The following SMYD1 variants were observed in gnomAD, a reference collection of about 807,000 sequenced individuals.
SMYD1 encodes SET and MYND domain containing 1.
A neutral mutation model predicts 54.0 loss-of-function variants in SMYD1; 49 were observed. That is an observed-to-expected ratio of 0.91 (90% confidence interval 0.72 to 1.15). The LOEUF (loss-of-function observed/expected upper bound fraction) is 1.15. Among genes scored for constraint, SMYD1 ranks in the 50% most tolerant of loss-of-function variants. The pLI, the probability that SMYD1 is intolerant of heterozygous loss-of-function variation, is 0.00. For synonymous variants in SMYD1, 269 were observed against 234.2 expected (o/e 1.15, Z -1.36); for missense variants, 653 against 639.6 (o/e 1.02, Z -0.23).
Position 88,091,068 on chromosome 2 carries a change from AG to A in SMYD1, c.587del (p.Gly196AlafsTer9). 1 of 1,614,020 alleles carries A rather than the reference AG, an allele frequency of 6.2e-7. No individual in the cohort carries two copies. The highest frequency in any genetic ancestry group is 8.5e-7 in the Non-Finnish European group (1 of 1,179,866). On this transcript the variant is annotated frameshift_variant, in exon 4 of 10. Coordinates refer to ENST00000419482, the MANE Select transcript of SMYD1 (RefSeq NM_198274.4). LOFTEE classifies it high-confidence loss of function. ...DQRGLQAVGV[G>X]IFPNLGLVNH... ...AGAGAGGCCTGCAGGCCGTGGGCGT[AG>A]GCATCTTCCCCAACCTGGGCCTGGT...
intron 8 of SMYD1, 56 bp downstream of exon 8, chr2:88,106,544 A>C: frequency 6.4e-7 from 1 of 1,566,124 alleles, no homozygotes; most frequent in Non-Finnish European, 8.7e-7. Context: ...TATTCCAGGG[A>C]TGGCAAATAG....
At chr2:88,071,991 T>A (rs141424670) in intron 1 of SMYD1, among the ~76,000 whole-genome samples, 1,675 of 82,064 alleles carry the variant, frequency 0.02, 93 homozygotes, top group Admixed American at 0.17. Context: ...TTCTCTGCAA[T>A]CTTAACATTT....
At chr2:88,095,216 G>T (rs1674553481) in intron 5 of SMYD1, among the ~76,000 whole-genome samples, 1 of 152,150 alleles carries the variant, frequency 6.6e-6, no homozygotes, top group East Asian at 1.9e-4. Context: ...TCTCCTACTG[G>T]CCATTCATCA....
In SMYD1 at chr2:88,093,524, G is replaced by GTA. The variant is rs1287971084; in HGVS notation, c.667_668insTA (p.Ala223ValfsTer3). 6.2e-7 allele frequency: 1 copy of GTA among 1,614,090 alleles called. No homozygotes were observed. The highest frequency in any genetic ancestry group is 2.2e-5 in the East Asian group (1 of 44,880). On this transcript the variant is annotated frameshift_variant, in exon 5 of 10. Transcript: ENST00000419482. LOFTEE classifies it high-confidence loss of function. ...GTCTGTTTTGTCTTTCAGTCATGAG[G>GTA]CAGTGAAATCCATGTTTCATACCCA...
intron 4 of SMYD1, among the ~76,000 whole-genome samples, chr2:88,091,534 T>A (rs1404297314): frequency 6.6e-6 from 1 of 151,960 alleles, no homozygotes; most frequent in Non-Finnish European, 1.5e-5. Context: ...TTTACAGAAG[T>A]GTGGACAGGG....
intron 6 of SMYD1, among the ~76,000 whole-genome samples, chr2:88,102,370 T>G (rs1443492352): frequency 6.6e-6 from 1 of 151,956 alleles, no homozygotes; most frequent in Admixed American, 6.6e-5. Context: ...TTTGTTTTGT[T>G]TTTTTTGGTA....
At position 88,108,507 on chromosome 2, in the gene SMYD1, G is replaced by A. The variant is rs769998105; in HGVS notation, c.1282G>A (p.Gly428Arg). ...CTATGCCATTCTCCTGGTGACACAC[G>A]GACCCTCCCACCCCATCACTAAGGA... ...KAYAILLVTHGPSHPITKDLE... is the reference protein window; with the variant it reads ...KAYAILLVTHRPSHPITKDLE... Residue 428 changes from glycine (G) to arginine (R), a missense_variant, in exon 9 of 10, where the codon GGA becomes AGA. By Grantham distance (125) the Gly-to-Arg change is moderately radical. Coordinates refer to ENST00000419482, the MANE Select transcript of SMYD1 (RefSeq NM_198274.4). 3.7e-6 allele frequency: 6 copies of A among 1,606,446 alleles called. No individual in the cohort carries two copies. Among genetic ancestry groups the A allele is most frequent in the South Asian group, 1.1e-5 (1 of 89,694 alleles).
intron 1 of SMYD1, among the ~76,000 whole-genome samples, chr2:88,070,942 C>CAAAAAAA (rs61024525): frequency 6.7e-5 from 4 of 60,122 alleles, no homozygotes; most frequent in Non-Finnish European, 9.3e-5. Context: ...GACTATTTCT[C>CAAAAAAA]AAAAAAAAAA....
intron 1 of SMYD1, among the ~76,000 whole-genome samples, chr2:88,072,620 A>G (rs1673974484): frequency 6.6e-6 from 1 of 152,236 alleles, no homozygotes; most frequent in African/African-American, 2.4e-5. Context: ...CTCTGAAATC[A>G]TAATGTATCC....
chr2:88,087,302 G>A (rs1305184822), intron 2 of SMYD1, among the ~76,000 whole-genome samples: 1 of 152,054 alleles, frequency 6.6e-6, no homozygotes, highest in African/African-American at 2.4e-5. Context: ...GCTCATCCCA[G>A]TAGGCCACAC....
intron 1 of SMYD1, among the ~76,000 whole-genome samples, chr2:88,078,127 T>C (rs1410321024): frequency 6.6e-6 from 1 of 152,118 alleles, no homozygotes; most frequent in African/African-American, 2.4e-5. Context: ...GAGCTGGTGC[T>C]GGGGGTGAGA....
At chr2:88,068,565 A>G (rs550281099) in intron 1 of SMYD1, among the ~76,000 whole-genome samples, 1 of 150,484 alleles carries the variant, frequency 6.6e-6, no homozygotes, top group East Asian at 1.9e-4. Context: ...GTGCTATTAC[A>G]TACATATATC....
At position 88,087,684 on chromosome 2, in the gene SMYD1, T is replaced by A. The variant is rs79276299; in HGVS notation, c.315-178T>A. On this transcript the variant is annotated intron_variant, in intron 2 of 9. Coordinates refer to ENST00000419482, the MANE Select transcript of SMYD1 (RefSeq NM_198274.4). ...TAGCACTTTCTATGTAAAATGTGCT[T>A]GTTTACTTACCTCTCCCCCACTATA... 1.8e-3 allele frequency among the ~76,000 whole-genome samples: 278 copies of A among 152,330 alleles called. 2 individuals carry two copies. The highest frequency in any genetic ancestry group is 3.5e-3 in the Non-Finnish European group (239 of 68,024).
intron 3 of SMYD1, among the ~76,000 whole-genome samples, chr2:88,089,850 C>G (rs1323091001): frequency 2.0e-5 from 3 of 152,140 alleles, no homozygotes; most frequent in Non-Finnish European, 4.4e-5. Flanking sequence ...TCTCTGCCTT[C>G]CAAAGTGCTG....
intron 1 of SMYD1, among the ~76,000 whole-genome samples, chr2:88,069,412 T>G (rs1673899697): frequency 6.6e-6 from 1 of 152,154 alleles, no homozygotes; most frequent in African/African-American, 2.4e-5. Context: ...AGGGGGAGCT[T>G]GTCTTATTTC....
chr2:88,095,755 G>C (rs1309360799), intron 5 of SMYD1, among the ~76,000 whole-genome samples: 1 of 152,212 alleles, frequency 6.6e-6, no homozygotes, highest in Non-Finnish European at 1.5e-5. Flanking sequence ...TGGCCTTGTG[G>C]TGGAGGATGC....
chr2:88,085,408 G>C (rs1012961771), intron 2 of SMYD1, among the ~76,000 whole-genome samples: 20 of 152,200 alleles, frequency 1.3e-4, no homozygotes, highest in African/African-American at 4.8e-4. Flanking sequence ...TGGGCTGCAG[G>C]GAGATGCTCA....
intron 7 of SMYD1, among the ~76,000 whole-genome samples, chr2:88,104,143 C>G (rs968919677): frequency 6.6e-6 from 1 of 151,914 alleles, no homozygotes; most frequent in Non-Finnish European, 1.5e-5. Context: ...ATTTTTTGTA[C>G]TTTCAGTAGA....
chr2:88,104,254 C>G (rs1347096827), intron 7 of SMYD1, among the ~76,000 whole-genome samples: 2 of 152,254 alleles, frequency 1.3e-5, no homozygotes, highest in Non-Finnish European at 2.9e-5. Flanking sequence ...GCGTGAGCCA[C>G]TGCGCCTGGC....
Sources: allele counts gnomAD v4.1 joint callset (sites outside exome capture counted in the v4.1 genomes callset), GRCh38; gene constraint gnomAD v4.1.1; transcripts MANE v1.5; gene names NCBI Gene and HGNC (gene_info 2026-07-23, HGNC 2026-07-21).